The following HDX variants were observed in gnomAD, a reference collection of about 807,000 sequenced individuals.
HDX encodes the protein chromosome X open reading frame 43.
HDX carries 19 observed loss-of-function variants against 45.2 expected under a neutral mutation model. The ratio of observed to expected loss-of-function variants is 0.42; its 90% CI spans 0.29 to 0.62. HDX has a LOEUF of 0.62. Ranked by LOEUF, HDX falls within the 20% of genes least tolerant of loss-of-function variation. HDX has a pLI of 0.20. For synonymous variants in HDX, 188 were observed against 172.8 expected (o/e 1.09, Z -0.69); for missense variants, 532 against 493.9 (o/e 1.08, Z -0.73).
chrX:84,347,968 C>T (rs1053564088), intron 6 of HDX, among the ~76,000 whole-genome samples: 4 of 110,666 alleles, frequency 3.6e-5, no homozygotes, highest in Admixed American at 1.9e-4. Context: ...GCTTGGTGTA[C>T]GCCAAGCATT....
At chrX:84,401,490 A>G (rs1009023448) in intron 5 of HDX, among the ~76,000 whole-genome samples, 2 of 112,449 alleles carry the variant, frequency 1.8e-5, no homozygotes, top group African/African-American at 6.5e-5. Flanking sequence ...AGAAATGCAA[A>G]TCAAAACCAC....
At chrX:84,444,996 A>T (rs1013277136) in intron 4 of HDX, among the ~76,000 whole-genome samples, 2 of 111,953 alleles carry the variant, frequency 1.8e-5, no homozygotes, top group Admixed American at 1.9e-4. Context: ...TTTCTGCTAG[A>T]TTATTAGATT....
chrX:84,463,196 A>G (rs1351977155), intron 4 of HDX, among the ~76,000 whole-genome samples: 3 of 111,002 alleles, frequency 2.7e-5, no homozygotes, highest in Non-Finnish European at 3.8e-5. Flanking sequence ...AAATTATTTA[A>G]AAGTGATCCC....
chrX:84,457,140 T>C (rs1243068542), intron 4 of HDX, among the ~76,000 whole-genome samples: 3 of 111,868 alleles, frequency 2.7e-5, no homozygotes, highest in Non-Finnish European at 5.7e-5. Context: ...AATCTTCTTT[T>C]TTTTTGGCTA....
At chrX:84,424,341 CCATGTT>C (rs2148019895) in intron 5 of HDX, among the ~76,000 whole-genome samples, 1 of 110,708 alleles carries the variant, frequency 9.0e-6, no homozygotes, top group East Asian at 2.8e-4. Context: ...AAAAAATACT[CCATGTT>C]CATGGAAAGA....
intron 9 of HDX, among the ~76,000 whole-genome samples, chrX:84,330,042 A>T (rs1275473054): frequency 1.8e-5 from 2 of 111,549 alleles, no homozygotes; most frequent in Admixed American, 1.9e-4. Flanking sequence ...CAAAATCACT[A>T]TGAGAAAATT....
intron 1 of HDX, among the ~76,000 whole-genome samples, chrX:84,497,663 A>G (rs907743705): frequency 9.4e-6 from 1 of 106,600 alleles, no homozygotes; most frequent in Non-Finnish European, 1.9e-5. Context: ...GAGAAAAGAA[A>G]CTAGGGGAAA....
chrX:84,440,935 T>C (rs1249268678), intron 4 of HDX, among the ~76,000 whole-genome samples: 4 of 110,866 alleles, frequency 3.6e-5, no homozygotes, highest in Non-Finnish European at 7.6e-5. Flanking sequence ...TTACAAGAAG[T>C]ATAGAATAGA....
At chrX:84,399,321 C>G (rs1358404019) in intron 5 of HDX, among the ~76,000 whole-genome samples, 2 of 108,809 alleles carry the variant, frequency 1.8e-5, no homozygotes, top group African/African-American at 6.7e-5. Flanking sequence ...ACTAGCTAGA[C>G]TAATAAAGAA....
At chrX:84,373,648 A>G (rs1953950125) in intron 5 of HDX, among the ~76,000 whole-genome samples, 1 of 111,264 alleles carries the variant, frequency 9.0e-6, no homozygotes, top group South Asian at 3.8e-4. Context: ...ACAGAACCAA[A>G]GACAAAAACC....
At chrX:84,452,237 T>C (rs1243102792) in intron 4 of HDX, among the ~76,000 whole-genome samples, 1 of 111,231 alleles carries the variant, frequency 9.0e-6, no homozygotes, top group Admixed American at 9.6e-5. Flanking sequence ...TCTTTGTAGA[T>C]GACTTGATCT....
chrX:84,369,716 T>C (rs2037847456), intron 5 of HDX, among the ~76,000 whole-genome samples: 1 of 112,529 alleles, frequency 8.9e-6, no homozygotes, highest in Non-Finnish European at 1.9e-5. Context: ...AGCATCTTTC[T>C]ATACGCTTGT....
chrX:84,409,103 C>G (rs893317910), intron 5 of HDX, among the ~76,000 whole-genome samples: 1 of 110,451 alleles, frequency 9.1e-6, no homozygotes, highest in Admixed American at 9.7e-5. Flanking sequence ...ATTTATGCAG[C>G]CAAAAAACAC....
chrX:84,414,173 A>G (rs1221265141), intron 5 of HDX, among the ~76,000 whole-genome samples: 1 of 112,044 alleles, frequency 8.9e-6, no homozygotes, highest in African/African-American at 3.2e-5. Context: ...ATAGTGATTT[A>G]CAAACTTGAT....
intron 5 of HDX, chrX:84,403,925 CG>C (rs2038760749): frequency 1.8e-5 from 2 of 110,875 alleles, no homozygotes; most frequent in Non-Finnish European, 3.8e-5. Context: ...ATTCTTTTTG[CG>C]ATATGGGCGA....
chrX:84,399,323 AAT>A (rs755554502), intron 5 of HDX, among the ~76,000 whole-genome samples: 3 of 110,891 alleles, frequency 2.7e-5, no homozygotes, highest in Non-Finnish European at 5.7e-5. Context: ...TAGCTAGACT[AAT>A]AAAGAAGAAA....
chrX:84,365,287 A>G (rs1281438160), intron 5 of HDX, among the ~76,000 whole-genome samples: 2 of 110,982 alleles, frequency 1.8e-5, no homozygotes, highest in Non-Finnish European at 3.8e-5. Flanking sequence ...TGTTTTGATC[A>G]CCTCCTCTGC....
intron 4 of HDX, among the ~76,000 whole-genome samples, chrX:84,462,161 T>C (rs904268163): frequency 2.7e-5 from 3 of 111,581 alleles, no homozygotes; most frequent in Non-Finnish European, 5.7e-5. Context: ...TCAATAAAGG[T>C]ATCAGTATTT....
At chrX:84,452,808 A>G (rs1405182891) in intron 4 of HDX, among the ~76,000 whole-genome samples, 2 of 111,977 alleles carry the variant, frequency 1.8e-5, no homozygotes, top group African/African-American at 6.5e-5. Flanking sequence ...GTATATCACA[A>G]TATGCAAACA....
Sources: allele counts gnomAD v4.1 joint callset (sites outside exome capture counted in the v4.1 genomes callset), GRCh38; gene constraint gnomAD v4.1.1; transcripts MANE v1.5; gene names NCBI Gene and HGNC (gene_info 2026-07-23, HGNC 2026-07-21).